Variants in GALNTL6 observed in about 807,000 individuals in gnomAD.
GALNTL6 encodes the protein polypeptide N-acetylgalactosaminyltransferase like 6.
In GALNTL6, 46 loss-of-function variants were observed where a neutral mutation model predicts 73.7. The ratio of observed to expected loss-of-function variants is 0.62; its 90% CI spans 0.49 to 0.80. GALNTL6 has a LOEUF of 0.80. Among genes scored for constraint, GALNTL6 ranks in the 30% least tolerant of loss-of-function variants. The probability of loss-of-function intolerance (pLI) is 0.00; values close to 1 mark genes in which losing one functional copy is unlikely to be tolerated. For missense variants in GALNTL6, 604 were observed against 755.0 expected (o/e 0.80, Z 2.34); for synonymous variants, 259 against 263.7 (o/e 0.98, Z 0.17).
At chr4:173,000,878 C>A (rs992642183) in intron 10 of GALNTL6, among the ~76,000 whole-genome samples, 1 of 152,044 alleles carries the variant, frequency 6.6e-6, no homozygotes, top group Non-Finnish European at 1.5e-5. Flanking sequence ...ATTATGTCTC[C>A]CCAAAATTTA....
chr4:172,083,660 C>A (rs1420611222), intron 2 of GALNTL6, among the ~76,000 whole-genome samples: 2 of 152,190 alleles, frequency 1.3e-5, no homozygotes, highest in African/African-American at 4.8e-5. Flanking sequence ...CCCTTCTCCC[C>A]AACCTCATGA....
At chr4:171,944,514 T>C (rs765291314) in intron 2 of GALNTL6, among the ~76,000 whole-genome samples, 4 of 152,030 alleles carry the variant, frequency 2.6e-5, no homozygotes, top group Non-Finnish European at 5.9e-5. Flanking sequence ...TGATTTCTAC[T>C]GGTGTTTTCA....
At chr4:172,015,826 G>C (rs1482577122) in intron 2 of GALNTL6, among the ~76,000 whole-genome samples, 2 of 150,950 alleles carry the variant, frequency 1.3e-5, no homozygotes, top group Non-Finnish European at 1.5e-5. Context: ...ATAATTCTTG[G>C]CTGACAATTA....
chr4:172,910,397 T>C (rs1747136144), intron 8 of GALNTL6, among the ~76,000 whole-genome samples: 1 of 152,190 alleles, frequency 6.6e-6, no homozygotes, highest in South Asian at 2.1e-4. Context: ...GACCACATAA[T>C]TGACTTGGTA....
At chr4:173,038,656 A>AT (rs1318489593) in intron 12 of GALNTL6, among the ~76,000 whole-genome samples, 7 of 152,236 alleles carry the variant, frequency 4.6e-5, no homozygotes, top group Non-Finnish European at 1.0e-4. Flanking sequence ...CACTGAAAAT[A>AT]GAAACAGGCA....
chr4:172,238,984 G>C (rs1273536327), intron 3 of GALNTL6, among the ~76,000 whole-genome samples: 2 of 152,128 alleles, frequency 1.3e-5, no homozygotes, highest in Admixed American at 6.5e-5. Context: ...ATTTTGATGT[G>C]CTGCTGGGTT....
intron 2 of GALNTL6, among the ~76,000 whole-genome samples, chr4:171,886,860 C>A (rs1736621359): frequency 6.6e-6 from 1 of 151,934 alleles, no homozygotes. Flanking sequence ...AATGGAAAAG[C>A]CATAGAAGTA....
intron 5 of GALNTL6, among the ~76,000 whole-genome samples, chr4:172,790,508 A>T (rs948158926): frequency 6.6e-6 from 1 of 152,208 alleles, no homozygotes; most frequent in Non-Finnish European, 1.5e-5. Context: ...AACTAACGCC[A>T]TGGTGCCTTG....
intron 2 of GALNTL6, among the ~76,000 whole-genome samples, chr4:172,069,585 A>ATATATATATAACATATATGT: frequency 4.3e-5 from 1 of 23,438 alleles, no homozygotes; most frequent in African/African-American, 9.8e-5. Context: ...GTTATATATT[A>ATATATATATAACATATATGT]TATATATAAC....
chr4:172,850,359 T>C (rs1228391345), intron 7 of GALNTL6, among the ~76,000 whole-genome samples: 1 of 152,194 alleles, frequency 6.6e-6, no homozygotes, highest in Non-Finnish European at 1.5e-5. Flanking sequence ...AACCAGTCTA[T>C]AGAGCAGGAT....
At chr4:171,915,846 A>G (rs1737608644) in intron 2 of GALNTL6, among the ~76,000 whole-genome samples, 1 of 152,064 alleles carries the variant, frequency 6.6e-6, no homozygotes, top group Non-Finnish European at 1.5e-5. Flanking sequence ...TTTTCCCAAC[A>G]CTTGGACTTC....
At chr4:172,716,505 A>AGT (rs34360189) in intron 5 of GALNTL6, among the ~76,000 whole-genome samples, 146,311 of 152,146 alleles carry the variant, frequency 0.96, 70,612 homozygotes, top group East Asian at 1. Context: ...CAACTGTTTT[A>AGT]TCAAACATTC....
At chr4:172,215,255 A>G (rs558946915) in intron 2 of GALNTL6, among the ~76,000 whole-genome samples, 1 of 152,290 alleles carries the variant, frequency 6.6e-6, no homozygotes, top group South Asian at 2.1e-4. Context: ...AAAAATATCA[A>G]TTAAATCATG....
chr4:172,889,316 G>A (rs1244684626), intron 8 of GALNTL6, among the ~76,000 whole-genome samples: 1 of 152,078 alleles, frequency 6.6e-6, no homozygotes, highest in East Asian at 1.9e-4. Context: ...GGTGAGGATG[G>A]GCATCCTTGT....
At chr4:171,970,911 G>T (rs1029736632) in intron 2 of GALNTL6, among the ~76,000 whole-genome samples, 8 of 152,168 alleles carry the variant, frequency 5.3e-5, no homozygotes, top group Admixed American at 3.3e-4. Flanking sequence ...TCTAATGCTT[G>T]AAGTTTAGAG....
chr4:171,881,362 T>G (rs539138567), intron 2 of GALNTL6, among the ~76,000 whole-genome samples: 3 of 152,282 alleles, frequency 2.0e-5, no homozygotes, highest in East Asian at 3.9e-4. Context: ...CAAAATCTCA[T>G]GTCAAATTGC....
chr4:172,029,632 T>G (rs1741705312), intron 2 of GALNTL6, among the ~76,000 whole-genome samples: 1 of 152,108 alleles, frequency 6.6e-6, no homozygotes, highest in African/African-American at 2.4e-5. Context: ...GTTCAAAAAG[T>G]GTTTGGTTTT....
chr4:172,299,731 GA>G (rs1739836752), intron 3 of GALNTL6, among the ~76,000 whole-genome samples: 1 of 152,222 alleles, frequency 6.6e-6, no homozygotes, highest in Non-Finnish European at 1.5e-5. Context: ...TGGTCTGACA[GA>G]CAGTTTGTTA....
chr4:173,006,410 A>G (rs1752295131), intron 10 of GALNTL6, among the ~76,000 whole-genome samples: 1 of 152,202 alleles, frequency 6.6e-6, no homozygotes, highest in Non-Finnish European at 1.5e-5. Flanking sequence ...CTGCACTCAG[A>G]TAAGGAGATC....
Sources: gnomAD v4.1 joint callset for allele counts (sites outside exome capture counted in the v4.1 genomes callset) on GRCh38, gnomAD v4.1.1 for gene constraint, MANE v1.5 for transcripts, NCBI Gene and HGNC (gene_info 2026-07-23, HGNC 2026-07-21) for gene names.